USP6NL: variants seen among roughly 807,000 people sequenced by gnomAD.
USP6NL encodes the protein USP6 N-terminal like.
Under a neutral mutation model 61.9 loss-of-function variants are expected in USP6NL, and 26 were observed. That is an observed-to-expected ratio of 0.42 (90% CI 0.31 to 0.58). USP6NL has a LOEUF of 0.58. Ranked by LOEUF, USP6NL falls within the 20% of genes least tolerant of loss-of-function variation. The pLI is 0.16. For missense variants in USP6NL, 1,114 were observed against 1,034.3 expected (o/e 1.08, Z -1.06); for synonymous variants, 432 against 390.1 (o/e 1.11, Z -1.27).
At chr10:11,492,592 A>G (rs1566131960) in intron 8 of USP6NL, among the ~76,000 whole-genome samples, 1 of 152,202 alleles carries the variant, frequency 6.6e-6, no homozygotes, top group African/African-American at 2.4e-5. Context: ...ACAGCTGGAG[A>G]AGCCAATACC....
rs1406013456 is a variant in USP6NL at position 11,462,825 on chromosome 10, G to A, written c.2103C>T (p.Leu701=). ...ATCCCCCAGCACCAGTGTCAACAGGGAGGACTTCTATTCGACTAGACGGCA... is the reference window on the plus strand; with the variant it reads ...ATCCCCCAGCACCAGTGTCAACAGGAAGGACTTCTATTCGACTAGACGGCA... ...LVLPSSRIEV[L]PVDTGAGGYS... is the part of the protein sequence containing the mutation. Residue 701 remains leucine, a synonymous_variant, in exon 15 of 15, where the codon CTC becomes CTT. Coordinates refer to ENST00000609104, the MANE Select transcript of USP6NL (RefSeq NM_014688.5). The A allele has an allele frequency of 1.2e-6, 2 of 1,614,010 alleles. No individual in the cohort carries two copies. The highest frequency in any genetic ancestry group is 1.1e-5 in the South Asian group (1 of 91,080).
At chr10:11,599,434 G>T (rs1564243445) in intron 1 of USP6NL, among the ~76,000 whole-genome samples, 1 of 152,268 alleles carries the variant, frequency 6.6e-6, no homozygotes, top group East Asian at 1.9e-4. Flanking sequence ...AGGAGCCAAA[G>T]AAATACTTAT....
Position 11,525,527 on chromosome 10 carries a change from A to T in USP6NL, c.73-59T>A. ...AGTTTATAAAACTGAATAATTTTTTAAAATAAAAGGACGAAGAAATAAGAG... is the reference window on the plus strand; with the variant it reads ...AGTTTATAAAACTGAATAATTTTTTTAAATAAAAGGACGAAGAAATAAGAG... On this transcript the variant is annotated intron_variant, in intron 3 of 14. Transcript: ENST00000609104. This position sits in a 1 kb window ranked among gnomAD's most constrained non-coding sequence, Gnocchi z 5.0. The T allele has an allele frequency of 7.1e-7, 1 of 1,406,898 alleles. No individual in the cohort carries two copies. The highest frequency in any genetic ancestry group is 9.6e-7 in the Non-Finnish European group (1 of 1,045,696). The allele number at this position is 1,406,898 out of a possible 1,614,324, so 87.2% of individuals were successfully genotyped here. A position where few individuals can be genotyped will look rare whatever the true frequency, so the allele number is the denominator to read the frequency against.
chr10:11,490,353 C>G lies in USP6NL; in HGVS notation c.543+479G>C, dbSNP rs77532564. ...GCCTTAAGAAGAGCATGTCTATTACCGAAGAGTTTAGCCTCCTCCTGGGGA... is the reference window on the plus strand; with the variant it reads ...GCCTTAAGAAGAGCATGTCTATTACGGAAGAGTTTAGCCTCCTCCTGGGGA... On this transcript the variant is annotated intron_variant, in intron 9 of 14. Coordinates refer to ENST00000609104, the MANE Select transcript of USP6NL (RefSeq NM_014688.5). The surrounding 1 kb of genome is among the most constrained non-coding windows in gnomAD (Gnocchi z 4.5). 7.9e-5 allele frequency among the ~76,000 whole-genome samples: 12 copies of G among 152,202 alleles called. No homozygotes were observed. The highest frequency in any genetic ancestry group is 1.2e-4 in the Non-Finnish European group (8 of 68,016).
intron 6 of USP6NL, among the ~76,000 whole-genome samples, chr10:11,502,162 G>A (rs1834227440): frequency 6.6e-6 from 1 of 151,172 alleles, no homozygotes; most frequent in Non-Finnish European, 1.5e-5. Context: ...GGGAGGCTGA[G>A]GCAGGAGAAT....
intron 2 of USP6NL, among the ~76,000 whole-genome samples, chr10:11,569,812 A>T (rs1816584108): frequency 6.6e-6 from 1 of 152,224 alleles, no homozygotes; most frequent in Non-Finnish European, 1.5e-5. Context: ...AAGCTATTTC[A>T]GACAGCAATG....
intron 2 of USP6NL, among the ~76,000 whole-genome samples, chr10:11,534,881 G>T (rs1835776623): frequency 6.6e-6 from 1 of 152,118 alleles, no homozygotes; most frequent in Non-Finnish European, 1.5e-5. Context: ...ACTGAACCCT[G>T]ATCTGCACAC....
intron 2 of USP6NL, among the ~76,000 whole-genome samples, chr10:11,569,654 C>T (rs1354943637): frequency 6.6e-6 from 1 of 152,166 alleles, no homozygotes; most frequent in African/African-American, 2.4e-5. Context: ...GGGAAAAACT[C>T]GCCATCCAGA....
intron 2 of USP6NL, among the ~76,000 whole-genome samples, chr10:11,558,866 A>G (rs1050921445): frequency 2.0e-5 from 3 of 152,222 alleles, no homozygotes; most frequent in African/African-American, 7.2e-5. Flanking sequence ...TATAACTACA[A>G]CTAACCATAG....
At chr10:11,509,117 G>T (rs1384023140) in intron 6 of USP6NL, among the ~76,000 whole-genome samples, 1 of 152,160 alleles carries the variant, frequency 6.6e-6, no homozygotes, top group East Asian at 1.9e-4. Flanking sequence ...TAAAGGGGAG[G>T]TTTGCTAGAA....
At chr10:11,504,519 C>T (rs866931887) in intron 6 of USP6NL, among the ~76,000 whole-genome samples, 5 of 152,194 alleles carry the variant, frequency 3.3e-5, no homozygotes, top group Non-Finnish European at 4.4e-5. Context: ...ATTACAAATT[C>T]GGGGACTTTC....
intron 10 of USP6NL, among the ~76,000 whole-genome samples, chr10:11,488,838 C>A (rs1833588131): frequency 6.6e-6 from 1 of 152,136 alleles, no homozygotes; most frequent in East Asian, 1.9e-4. Context: ...AAATTAGTTT[C>A]TTTTGACCAA....
At chr10:11,577,400 A>G (rs1412634084) in intron 2 of USP6NL, among the ~76,000 whole-genome samples, 3 of 151,534 alleles carry the variant, frequency 2.0e-5, no homozygotes, top group African/African-American at 4.9e-5. Flanking sequence ...ATTTATTTCT[A>G]TTTTTTCTGA....
chr10:11,501,158 G>C lies in USP6NL; in HGVS notation c.327C>G (p.Val109=), dbSNP rs748523126. Residue 109 remains valine, a synonymous_variant, in exon 7 of 15, where the codon GTC becomes GTG. Coordinates refer to ENST00000609104, the MANE Select transcript of USP6NL (RefSeq NM_014688.5). ...TAGGGATCTCAAGAAGGAGGGCCCA[G>C]ACTTCACCTCTGAGCTGGAGTGGTA... ...KGIPLQLRGE[V]WALLLEIPKM... The C allele has an allele frequency of 6.2e-7, 1 of 1,613,440 alleles. No homozygotes were observed. Among genetic ancestry groups the C allele is most frequent in the Admixed American group, 1.7e-5 (1 of 59,976 alleles).
At chr10:11,565,361 G>C (rs1384127485) in intron 2 of USP6NL, 1 of 152,236 alleles carries the variant, frequency 6.6e-6, no homozygotes, top group Non-Finnish European at 1.5e-5. Context: ...TAGCATCCAG[G>C]CCGGGCGTAG....
At chr10:11,584,393 T>A (rs1837896304) in intron 2 of USP6NL, among the ~76,000 whole-genome samples, 1 of 152,180 alleles carries the variant, frequency 6.6e-6, no homozygotes, top group South Asian at 2.1e-4. Context: ...CCCTCTAACA[T>A]TCAGAGAGAT....
chr10:11,601,523 CAT>C (rs1838531364), intron 1 of USP6NL, among the ~76,000 whole-genome samples: 1 of 152,120 alleles, frequency 6.6e-6, no homozygotes, highest in Non-Finnish European at 1.5e-5. Flanking sequence ...ACATATTACA[CAT>C]AGTCTTTGTA....
At position 11,463,961 on chromosome 10, in the gene USP6NL, G is replaced by A; in HGVS notation, c.1079-112C>T. The A allele has an allele frequency of 2.0e-6, 2 of 977,350 alleles. No homozygotes were observed. The highest frequency in any genetic ancestry group is 1.8e-5 in the South Asian group (1 of 54,322). 60.5% of individuals were successfully genotyped at this position (977,350 alleles called of 1,614,324 possible). A position where few individuals can be genotyped will look rare whatever the true frequency, so the allele number is the denominator to read the frequency against. ...TTTCATCTGTGCACAGATACACGCT[G>A]ACATACAACACACTGTCATACAACA... On this transcript the variant is annotated intron_variant, in intron 14 of 14. Transcript: ENST00000609104. The surrounding 1 kb of genome is among the most constrained non-coding windows in gnomAD (Gnocchi z 6.3).
intron 2 of USP6NL, among the ~76,000 whole-genome samples, chr10:11,581,168 ATC>A (rs1837755596): frequency 6.6e-6 from 1 of 152,214 alleles, no homozygotes; most frequent in South Asian, 2.1e-4. Context: ...AAAAATAAGA[ATC>A]TAACACTAAG....
Sources: allele counts gnomAD v4.1 joint callset (sites outside exome capture counted in the v4.1 genomes callset), GRCh38; gene constraint gnomAD v4.1.1; non-coding constraint Gnocchi (gnomAD v3.1); transcripts MANE v1.5; gene names NCBI Gene and HGNC (gene_info 2026-07-23, HGNC 2026-07-21).